The following ITGAV variants were observed in gnomAD, a reference collection of about 807,000 sequenced individuals.
ITGAV encodes the protein integrin alpha-V.
A neutral mutation model predicts 143.8 loss-of-function variants in ITGAV; 76 were observed. The observed-to-expected ratio is 0.53, with a 90% CI of 0.44 to 0.64. The LOEUF (loss-of-function observed/expected upper bound fraction) is 0.64, where lower values mean the gene tolerates loss of function less well. Ranked by LOEUF, ITGAV falls within the 30% of genes least tolerant of loss-of-function variation. The pLI is 0.00. For synonymous variants in ITGAV, 453 were observed against 446.7 expected (o/e 1.01, Z -0.18); for missense variants, 1,193 against 1,274.7 (o/e 0.94, Z 0.98).
intron 3 of ITGAV, 91 bp downstream of exon 3, chr2:186,622,521 T>A: frequency 1.2e-6 from 1 of 843,706 alleles, no homozygotes; most frequent in Non-Finnish European, 2.0e-6. Flanking sequence ...ATAGTAAAAT[T>A]CAGTATGCTC....
chr2:186,655,576 G>A (rs1688559073), intron 16 of ITGAV, among the ~76,000 whole-genome samples: 1 of 152,194 alleles, frequency 6.6e-6, no homozygotes, highest in African/African-American at 2.4e-5. Context: ...TGAAATAAAG[G>A]TCACCTTTTA....
At chr2:186,667,072 A>T in intron 22 of ITGAV, 78 bp from the exon 23 acceptor site, 2 of 1,025,518 alleles carry the variant, frequency 2.0e-6, no homozygotes, top group South Asian at 1.6e-5. Flanking sequence ...GTTAATTTTT[A>T]GTTTCACTGG....
chr2:186,601,505 T>A (rs1322997519), intron 1 of ITGAV, among the ~76,000 whole-genome samples: 4 of 151,498 alleles, frequency 2.6e-5, no homozygotes, highest in Non-Finnish European at 5.9e-5. Context: ...GCAATATTTC[T>A]AATGCAAGAT....
At chr2:186,637,411 G>A (rs1293099802) in intron 8 of ITGAV, among the ~76,000 whole-genome samples, 2 of 151,114 alleles carry the variant, frequency 1.3e-5, no homozygotes, top group Admixed American at 6.6e-5. Context: ...GCCCAGGGAG[G>A]TTGAGGCTGC....
chr2:186,665,113 T>C lies in ITGAV; in HGVS notation c.2074-13T>C, dbSNP rs200760750. On this transcript the variant is annotated splice_polypyrimidine_tract_variant and intron_variant, in intron 20 of 29. Coordinates refer to ENST00000261023, the MANE Select transcript of ITGAV (RefSeq NM_002210.5). The stretch of plus-strand genomic sequence containing the variant: ...TCATATCCATTTTTTTTTTTTTTTT[T>C]GGTCTATCAAAGGCCTTAGCAAGAC... 14 of 1,269,924 alleles carry C rather than the reference T, an allele frequency of 1.1e-5. No individual in the cohort carries two copies. The highest frequency in any genetic ancestry group is 1.4e-5 in the South Asian group (1 of 73,590). The allele number at this position is 1,269,924 out of a possible 1,614,324, so 78.7% of individuals were successfully genotyped here.
chr2:186,601,453 G>C (rs3845712), intron 1 of ITGAV, among the ~76,000 whole-genome samples: 114,139 of 151,060 alleles, frequency 0.76, 43,107 homozygotes, highest in East Asian at 0.85. Flanking sequence ...AAGCAAAACT[G>C]TGTCTCTTAA....
chr2:186,664,587 C>G lies in ITGAV; in HGVS notation c.2019C>G (p.Leu673=). The G allele has an allele frequency of 6.2e-7, 1 of 1,614,094 alleles. No individual in the cohort carries two copies. The highest frequency in any genetic ancestry group is 8.5e-7 in the Non-Finnish European group (1 of 1,179,976). ...GAGAAGGTGCCTACGAAGCTGAGCT[C>G]ATCGTTTCCATTCCACTGCAGGCTG... ...NQGEGAYEAE[L]IVSIPLQADF... is the part of the protein sequence containing the mutation. The change falls in exon 20 of 30, where the codon CTC becomes CTG. Residue 673 remains leucine (L), a synonymous_variant. Transcript: ENST00000261023.
In ITGAV at chr2:186,649,895, T is replaced by TAAAAAAA; in HGVS notation, c.1397+10_1397+11insAAAAAAA. 6.9e-7 allele frequency: 1 copy of TAAAAAAA among 1,449,724 alleles called. No individual in the cohort carries two copies. The highest frequency in any genetic ancestry group is 2.2e-5 in the Admixed American group (1 of 45,656). 89.8% of individuals were successfully genotyped at this position (1,449,724 alleles called of 1,614,324 possible). A position where few individuals can be genotyped will look rare whatever the true frequency, so the allele number is the denominator to read the frequency against. On this transcript the variant is annotated intron_variant, in intron 14 of 29. Coordinates refer to ENST00000261023, the MANE Select transcript of ITGAV (RefSeq NM_002210.5). ...GAGCTATCTTATACAGGTGAGCATT[T>TAAAAAAA]TCTGTATCCTGCGGTATAGGAATAT...
chr2:186,622,246 G>C, intron 2 of ITGAV, 93 bp from the exon 3 acceptor site: 1 of 807,304 alleles, frequency 1.2e-6, no homozygotes, highest in Admixed American at 2.1e-5. Flanking sequence ...AATCAAAGGT[G>C]TACTATTTCT....
intron 2 of ITGAV, among the ~76,000 whole-genome samples, chr2:186,607,034 A>G (rs1687086874): frequency 6.6e-6 from 1 of 152,106 alleles, no homozygotes; most frequent in Non-Finnish European, 1.5e-5. Flanking sequence ...TGTCATGAAA[A>G]GGAATAGGCC....
rs375234036 is a variant in ITGAV, at chr2:186,590,327, C to T, written c.-12C>T. On this transcript the variant is annotated 5_prime_UTR_variant, in exon 1 of 30. Transcript: ENST00000261023. Reference sequence around the variant, plus strand: ...ACCGCTCCCGGCTTGGCGTCCCGCGCGCACTTCGGCGATGGCTTTTCCGCC... The same window carrying T: ...ACCGCTCCCGGCTTGGCGTCCCGCGTGCACTTCGGCGATGGCTTTTCCGCC... 26 of 1,564,894 alleles carry T rather than the reference C, an allele frequency of 1.7e-5. No individual in the cohort carries two copies. The East Asian group carries it at 2.6e-4, about 15-fold the overall frequency.
At chr2:186,645,448 G>A (rs886112101) in intron 12 of ITGAV, among the ~76,000 whole-genome samples, 1 of 151,992 alleles carries the variant, frequency 6.6e-6, no homozygotes, top group African/African-American at 2.4e-5. Flanking sequence ...GCTGGAAAGA[G>A]TAAATAAGGG....
At chr2:186,634,739 T>G (rs1320487617) in intron 6 of ITGAV, among the ~76,000 whole-genome samples, 1 of 152,220 alleles carries the variant, frequency 6.6e-6, no homozygotes, top group African/African-American at 2.4e-5. Flanking sequence ...GTTTTACTGT[T>G]TTAAAACAAA....
intron 4 of ITGAV, among the ~76,000 whole-genome samples, chr2:186,629,969 A>G (rs1687772475): frequency 6.6e-6 from 1 of 152,152 alleles, no homozygotes; most frequent in South Asian, 2.1e-4. Context: ...CTATGAGAAC[A>G]ACTAAAAAGG....
intron 19 of ITGAV, 71 bp downstream of exon 19, chr2:186,663,906 C>A: frequency 9.6e-7 from 1 of 1,040,422 alleles, no homozygotes; most frequent in Non-Finnish European, 1.5e-6. Flanking sequence ...ATTCAAAGGA[C>A]TAACATATTT....
chr2:186,643,298 C>G (rs1688159536), intron 12 of ITGAV, among the ~76,000 whole-genome samples: 1 of 152,080 alleles, frequency 6.6e-6, no homozygotes, highest in Admixed American at 6.5e-5. Context: ...TGAAGTTTTA[C>G]AATGATTTTA....
chr2:186,679,732 T>A lies in ITGAV; in HGVS notation c.*2440T>A, dbSNP rs1022748682. 6.6e-6 allele frequency: 1 copy of A among 152,076 alleles called. No homozygotes were observed. Among genetic ancestry groups the A allele is most frequent in the African/African-American group, 2.4e-5 (1 of 41,446 alleles). The allele number at this position is 152,076 out of a possible 1,614,324, so 9.4% of individuals were successfully genotyped here. A position where few individuals can be genotyped will look rare whatever the true frequency, so the allele number is the denominator to read the frequency against. On this transcript the variant is annotated 3_prime_UTR_variant, in exon 30 of 30. Coordinates refer to ENST00000261023, the MANE Select transcript of ITGAV (RefSeq NM_002210.5). ...ATATTGATTTTTATATAGGTATTTA[T>A]TTCAGAATTGATATTTTGAGAAAAA...
At chr2:186,642,080 A>G (rs961150431) in intron 12 of ITGAV, among the ~76,000 whole-genome samples, 1 of 152,224 alleles carries the variant, frequency 6.6e-6, no homozygotes, top group African/African-American at 2.4e-5. Flanking sequence ...GGGATGTTAT[A>G]TCTCCCTTTA....
chr2:186,605,798 A>ATATATTCTTATGTATATGTATAATACG, intron 2 of ITGAV, among the ~76,000 whole-genome samples: 2 of 270 alleles, frequency 7.4e-3, no homozygotes, highest in South Asian at 0.25. Context: ...TATATGTATA[A>ATATATTCTTATGTATATGTATAATACG]TATATTCTTA....
Sources: gnomAD v4.1 joint callset for allele counts (sites outside exome capture counted in the v4.1 genomes callset) on GRCh38, gnomAD v4.1.1 for gene constraint, MANE v1.5 for transcripts, NCBI Gene and HGNC (gene_info 2026-07-23, HGNC 2026-07-21) for gene names.